Variants in TSPAN9 observed in about 807,000 individuals in gnomAD.
The protein encoded by TSPAN9 is tetraspanin-9.
A neutral mutation model predicts 31.0 loss-of-function variants in TSPAN9; 16 were observed. That is an observed-to-expected ratio of 0.52 (90% CI 0.35 to 0.78). The LOEUF (loss-of-function observed/expected upper bound fraction) is 0.78. Ranked by LOEUF, TSPAN9 falls within the 30% of genes least tolerant of loss-of-function variation. The pLI is 0.01. For synonymous variants in TSPAN9, 145 were observed against 121.6 expected, an observed-to-expected ratio of 1.19 and a Z score of -1.27; for missense variants, 272 against 312.5, an observed-to-expected ratio of 0.87 and a Z score of 0.98.
chr12:3,270,731 G>T (rs569069855), intron 3 of TSPAN9, among the ~76,000 whole-genome samples: 1 of 152,258 alleles, frequency 6.6e-6, no homozygotes, highest in East Asian at 1.9e-4. Flanking sequence ...CCCTGGAGGG[G>T]GGTAGGGGCT....
chr12:3,078,729 TCTCA>T (rs1180236105), intron 1 of TSPAN9, among the ~76,000 whole-genome samples: 1 of 151,748 alleles, frequency 6.6e-6, no homozygotes, highest in African/African-American at 2.4e-5. Flanking sequence ...TCAGTTCTAC[TCTCA>T]CTCACTGAAG....
intron 3 of TSPAN9, among the ~76,000 whole-genome samples, chr12:3,225,762 T>A (rs1400186951): frequency 3.3e-5 from 5 of 149,948 alleles, no homozygotes; most frequent in Admixed American, 2.7e-4. Flanking sequence ...TTCAAATAGG[T>A]TTCGTATATC....
At chr12:3,271,334 G>T (rs1351867465) in intron 3 of TSPAN9, among the ~76,000 whole-genome samples, 3 of 152,206 alleles carry the variant, frequency 2.0e-5, no homozygotes, top group African/African-American at 7.2e-5. Flanking sequence ...GGGGCCTTAG[G>T]CTGAATTACT....
chr12:3,191,630 CTGCCTGCCCTG>C (rs1031012157), intron 2 of TSPAN9, among the ~76,000 whole-genome samples: 101 of 152,160 alleles, frequency 6.6e-4, no homozygotes, highest in Non-Finnish European at 2.4e-4. Flanking sequence ...CCTGCTGGCC[CTGCCTGCCCTG>C]TGCCTGCCCT....
At chr12:3,088,460 A>G (rs1591621299) in intron 2 of TSPAN9, among the ~76,000 whole-genome samples, 1 of 151,604 alleles carries the variant, frequency 6.6e-6, no homozygotes, top group East Asian at 2.0e-4. Flanking sequence ...GCTGGGGGGG[A>G]AGCTCCAGGC....
chr12:3,113,696 C>A (rs2098320459), intron 2 of TSPAN9, among the ~76,000 whole-genome samples: 1 of 152,174 alleles, frequency 6.6e-6, no homozygotes, highest in Non-Finnish European at 1.5e-5. Context: ...CCCCGGGAGA[C>A]CCTCAGGGGT....
chr12:3,247,209 T>C (rs1316469000), intron 3 of TSPAN9, among the ~76,000 whole-genome samples: 1 of 151,684 alleles, frequency 6.6e-6, no homozygotes, highest in Non-Finnish European at 1.5e-5. Context: ...CAGAAAGGAC[T>C]TGACAAAGGC....
At chr12:3,240,785 CA>C (rs775006463) in intron 3 of TSPAN9, among the ~76,000 whole-genome samples, 13 of 152,268 alleles carry the variant, frequency 8.5e-5, no homozygotes, top group Non-Finnish European at 1.9e-4. Flanking sequence ...TATATTACAA[CA>C]ATAGCACTGA....
intron 2 of TSPAN9, among the ~76,000 whole-genome samples, chr12:3,103,510 A>T (rs985684578): frequency 6.6e-6 from 1 of 152,152 alleles, no homozygotes; most frequent in Non-Finnish European, 1.5e-5. Flanking sequence ...GGGGACCTCA[A>T]AGGTCCCTAA....
At chr12:3,267,465 G>T (rs569834441) in intron 3 of TSPAN9, among the ~76,000 whole-genome samples, 4 of 152,178 alleles carry the variant, frequency 2.6e-5, no homozygotes, top group Non-Finnish European at 5.9e-5. Flanking sequence ...TCCAAGTCCT[G>T]AGGTCTGGGC....
chr12:3,138,705 G>T (rs1368785279), intron 2 of TSPAN9, among the ~76,000 whole-genome samples: 1 of 151,908 alleles, frequency 6.6e-6, no homozygotes, highest in Non-Finnish European at 1.5e-5. Context: ...TGTTGGCCAG[G>T]CTTGTCCCAA....
intron 2 of TSPAN9, among the ~76,000 whole-genome samples, chr12:3,132,755 G>A (rs1315199447): frequency 6.6e-6 from 1 of 152,110 alleles, no homozygotes; most frequent in Non-Finnish European, 1.5e-5. Flanking sequence ...CCTCTGAAAG[G>A]CGCCACCCCT....
intron 3 of TSPAN9, among the ~76,000 whole-genome samples, chr12:3,255,657 A>C (rs1474073676): frequency 6.6e-6 from 1 of 152,222 alleles, no homozygotes; most frequent in African/African-American, 2.4e-5. Flanking sequence ...TTTTAGAAAG[A>C]ACTGGGGTGT....
intron 3 of TSPAN9, among the ~76,000 whole-genome samples, chr12:3,217,360 G>A (rs2098381910): frequency 6.6e-6 from 1 of 152,162 alleles, no homozygotes; most frequent in African/African-American, 2.4e-5. Flanking sequence ...GACACCCTCA[G>A]CTTCTCTGAC....
intron 3 of TSPAN9, among the ~76,000 whole-genome samples, chr12:3,225,210 G>A (rs1045070981): frequency 1.3e-5 from 2 of 152,150 alleles, no homozygotes; most frequent in African/African-American, 4.8e-5. Flanking sequence ...ACCGTGGGAA[G>A]GCTTTCATCC....
At chr12:3,127,360 A>T (rs576495) in intron 2 of TSPAN9, among the ~76,000 whole-genome samples, 127,470 of 150,674 alleles carry the variant, frequency 0.85, 53,967 homozygotes, top group African/African-American at 0.89. Context: ...TTAAAGAAAA[A>T]TTTTTTTTTT....
In TSPAN9 at chr12:3,201,149, C is replaced by T. The variant is rs757470923; in HGVS notation, c.-17-28C>T. 1.0e-5 allele frequency: 16 copies of T among 1,594,670 alleles called. No individual in the cohort carries two copies. The East Asian group carries it at 3.4e-4, about 33-fold the overall frequency. ...AGGCAGCAAGTACGTGGTGTTTTAC[C>T]TGGACCTGTCCTTTGTGTTCCTCCT... On this transcript the variant is annotated intron_variant, in intron 2 of 8. Transcript: ENST00000011898.
chr12:3,169,882 T>A (rs968425528), intron 2 of TSPAN9, among the ~76,000 whole-genome samples: 1 of 152,062 alleles, frequency 6.6e-6, no homozygotes, highest in Non-Finnish European at 1.5e-5. Flanking sequence ...CTTAGAGGTG[T>A]ATGCAGCTCC....
intron 2 of TSPAN9, among the ~76,000 whole-genome samples, chr12:3,190,484 A>G (rs2098363781): frequency 6.6e-6 from 1 of 152,252 alleles, no homozygotes; most frequent in South Asian, 2.1e-4. Context: ...GGGCAGGTAC[A>G]TCTGTCTGTC....
Sources: allele counts gnomAD v4.1 joint callset (sites outside exome capture counted in the v4.1 genomes callset), GRCh38; gene constraint gnomAD v4.1.1; transcripts MANE v1.5; gene names NCBI Gene and HGNC (gene_info 2026-07-23, HGNC 2026-07-21).